The following MBD5 variants were observed in gnomAD, a reference collection of about 807,000 sequenced individuals.
MBD5 encodes the protein methyl-CpG-binding domain protein 5.
In MBD5, 13 loss-of-function variants were observed where a neutral mutation model predicts 117.3. That is an observed-to-expected ratio of 0.11 (90% CI 0.07 to 0.18). The LOEUF (loss-of-function observed/expected upper bound fraction) is 0.18, where lower values mean the gene tolerates loss of function less well. Among genes scored for constraint, MBD5 ranks in the 10% least tolerant of loss-of-function variants. MBD5 has a pLI of 1.00. For missense variants in MBD5, 1,879 were observed against 2,093.8 expected (o/e 0.90, Z 2.00); for synonymous variants, 727 against 766.4 (o/e 0.95, Z 0.85).
chr2:148,494,547 C>A (rs563591162), intron 11 of MBD5, among the ~76,000 whole-genome samples: 3 of 152,298 alleles, frequency 2.0e-5, no homozygotes, highest in South Asian at 4.1e-4. Flanking sequence ...GTATGTATTA[C>A]TTTCCTAAGA....
intron 4 of MBD5, among the ~76,000 whole-genome samples, chr2:148,434,256 G>T (rs1203522719): frequency 6.6e-6 from 1 of 151,702 alleles, no homozygotes; most frequent in Non-Finnish European, 1.5e-5. Context: ...TGTTCATTTG[G>T]ATCTTCTTTT....
intron 3 of MBD5, among the ~76,000 whole-genome samples, chr2:148,283,267 A>ATAC (rs952562749): frequency 1.3e-5 from 2 of 152,218 alleles, no homozygotes; most frequent in African/African-American, 4.8e-5. Flanking sequence ...AAAGTAGGTA[A>ATAC]CCCTGAGCCT....
At chr2:148,447,198 A>AGAAAGAAAGAAAGAAAGAAG (rs2105453518) in intron 4 of MBD5, among the ~76,000 whole-genome samples, 1 of 10,556 alleles carries the variant, frequency 9.5e-5, no homozygotes, top group African/African-American at 1.1e-4. Flanking sequence ...AAAGAAAGAA[A>AGAAAGAAAGAAAGAAAGAAG]GAAAGAAAGA....
At chr2:148,203,322 C>T (rs189194132) in intron 2 of MBD5, among the ~76,000 whole-genome samples, 2 of 152,244 alleles carry the variant, frequency 1.3e-5, no homozygotes, top group East Asian at 3.9e-4. Context: ...GGCCTATTTG[C>T]ATAAAAGACC....
intron 1 of MBD5, among the ~76,000 whole-genome samples, chr2:148,137,606 A>G (rs1278485559): frequency 3.9e-5 from 6 of 152,182 alleles, no homozygotes; most frequent in Admixed American, 1.3e-4. Flanking sequence ...TGATCAATCA[A>G]TCGAATCGAG....
chr2:148,378,719 A>T (rs1386684850), intron 4 of MBD5, among the ~76,000 whole-genome samples: 1 of 152,072 alleles, frequency 6.6e-6, no homozygotes, highest in Non-Finnish European at 1.5e-5. Flanking sequence ...GTGTTTATTT[A>T]GTACCCATAT....
At chr2:148,146,784 G>A (rs1256662817) in intron 1 of MBD5, among the ~76,000 whole-genome samples, 1 of 152,006 alleles carries the variant, frequency 6.6e-6, no homozygotes, top group Admixed American at 6.6e-5. Flanking sequence ...TTTTTTAATT[G>A]TATTTGCTTT....
At chr2:148,453,980 C>G (rs1706807532) in intron 4 of MBD5, among the ~76,000 whole-genome samples, 1 of 151,944 alleles carries the variant, frequency 6.6e-6, no homozygotes. Flanking sequence ...AATGAGTTAT[C>G]AAGATGGGCA....
At chr2:148,113,525 T>C (rs1445183580) in intron 1 of MBD5, among the ~76,000 whole-genome samples, 1 of 152,190 alleles carries the variant, frequency 6.6e-6, no homozygotes, top group Non-Finnish European at 1.5e-5. Flanking sequence ...GAGAAATGAT[T>C]TCATTGCTTC....
intron 4 of MBD5, among the ~76,000 whole-genome samples, chr2:148,437,540 A>G (rs1706189804): frequency 6.6e-6 from 1 of 152,214 alleles, no homozygotes; most frequent in Admixed American, 6.5e-5. Context: ...TTCTGGAAAA[A>G]ATAATTTTAA....
At chr2:148,317,613 C>T (rs1474887043) in intron 3 of MBD5, among the ~76,000 whole-genome samples, 1 of 152,016 alleles carries the variant, frequency 6.6e-6, no homozygotes, top group Admixed American at 6.6e-5. Flanking sequence ...CCCTTCCCAC[C>T]CTCCCACCTT....
chr2:148,320,587 C>T (rs958632080), intron 3 of MBD5, among the ~76,000 whole-genome samples: 2 of 152,144 alleles, frequency 1.3e-5, no homozygotes, highest in African/African-American at 2.4e-5. Flanking sequence ...AACTCCTGGG[C>T]TTAAGCATTC....
intron 4 of MBD5, among the ~76,000 whole-genome samples, chr2:148,457,880 G>A (rs1400443467): frequency 6.6e-6 from 1 of 152,070 alleles, no homozygotes; most frequent in Non-Finnish European, 1.5e-5. Context: ...AAGAAGTGAT[G>A]GATATATTTT....
intron 1 of MBD5, among the ~76,000 whole-genome samples, chr2:148,047,389 A>C (rs1332911830): frequency 6.6e-6 from 1 of 152,212 alleles, no homozygotes; most frequent in South Asian, 2.1e-4. Flanking sequence ...AATGGAGTAC[A>C]TTTTGCGTGG....
intron 1 of MBD5, among the ~76,000 whole-genome samples, chr2:148,063,828 G>A (rs1695105412): frequency 6.6e-6 from 1 of 151,994 alleles, no homozygotes; most frequent in South Asian, 2.1e-4. Flanking sequence ...ACCTGTTCCT[G>A]AGCCAAGGTA....
At chr2:148,325,963 G>A in intron 3 of MBD5, among the ~76,000 whole-genome samples, 1 of 152,030 alleles carries the variant, frequency 6.6e-6, no homozygotes, top group East Asian at 1.9e-4. Context: ...GCTTTCTCTT[G>A]TGGGCATTTA....
At chr2:148,164,395 T>A (rs1282373803) in intron 1 of MBD5, among the ~76,000 whole-genome samples, 1 of 151,932 alleles carries the variant, frequency 6.6e-6, no homozygotes, top group Non-Finnish European at 1.5e-5. Context: ...TTGGTGGGGG[T>A]AGGGTCCATA....
intron 2 of MBD5, among the ~76,000 whole-genome samples, chr2:148,227,542 T>G (rs1699864010): frequency 5.3e-5 from 8 of 152,198 alleles, no homozygotes. Flanking sequence ...TGAAGTCAGG[T>G]AGCATGATGC....
intron 11 of MBD5, among the ~76,000 whole-genome samples, chr2:148,496,889 T>C (rs1170462075): frequency 2.0e-5 from 3 of 152,216 alleles, no homozygotes; most frequent in Non-Finnish European, 4.4e-5. Context: ...ATGAGAACTA[T>C]TGTACTATTG....
Sources: gnomAD v4.1 joint callset for allele counts (sites outside exome capture counted in the v4.1 genomes callset) on GRCh38, gnomAD v4.1.1 for gene constraint, MANE v1.5 for transcripts, NCBI Gene and HGNC (gene_info 2026-07-23, HGNC 2026-07-21) for gene names.